Variants in MELK observed in about 807,000 individuals in gnomAD.
MELK encodes maternal embryonic leucine zipper kinase.
MELK carries 81 observed loss-of-function variants against 85.0 expected under a neutral mutation model. That is an observed-to-expected ratio of 0.95 (90% CI 0.80 to 1.15). The LOEUF (loss-of-function observed/expected upper bound fraction) is 1.15, where lower values mean the gene tolerates loss of function less well. Ranked by LOEUF, MELK falls within the 50% of genes most tolerant of loss-of-function variation. MELK has a pLI of 0.00. For synonymous variants in MELK, 252 were observed against 265.0 expected (o/e 0.95, Z 0.48); for missense variants, 754 against 777.5 (o/e 0.97, Z 0.36).
intron 8 of MELK, among the ~76,000 whole-genome samples, chr9:36,626,034 G>A (rs1270345762): frequency 6.6e-6 from 1 of 152,154 alleles, no homozygotes; most frequent in Admixed American, 6.5e-5. Context: ...AGGGTTCTAG[G>A]TTAGAAATAT....
chr9:36,665,566 A>T lies in MELK; in HGVS notation c.1393A>T (p.Thr465Ser). Reference sequence around the variant, plus strand: ...AATACTCACTACGCCAAATCGTTACACTACACCCTCAAAAGGTATTTGCTA... The same window carrying T: ...AATACTCACTACGCCAAATCGTTACTCTACACCCTCAAAAGGTATTTGCTA... The part of the protein sequence containing the change: ...REILTTPNRY[T>S]TPSKARNQCL... Residue 465 changes from threonine to serine, a missense_variant, in exon 14 of 18, where the codon ACT becomes TCT. Transcript: ENST00000298048. 1 of 1,610,944 alleles carries T rather than the reference A, an allele frequency of 6.2e-7. No homozygotes were observed. The highest frequency in any genetic ancestry group is 8.5e-7 in the Non-Finnish European group (1 of 1,178,158).
intron 13 of MELK, among the ~76,000 whole-genome samples, chr9:36,662,115 C>T (rs1831903169): frequency 2.0e-5 from 3 of 151,138 alleles, no homozygotes; most frequent in Admixed American, 1.3e-4. Context: ...TGTATTTCCC[C>T]CTTATTTCTT....
rs140032964 is a variant in MELK at position 36,656,881 on chromosome 9, T to G, written c.1054-360T>G. On this transcript the variant is annotated intron_variant, in intron 12 of 17. Coordinates refer to ENST00000298048, the MANE Select transcript of MELK (RefSeq NM_014791.4). ...ATCCACCTGTGTCAGCCTTCCAAAG[T>G]GCTGGGATTACAGGCATGAGCCACC... Among the ~76,000 whole-genome samples, 309 of 152,318 alleles carry G rather than the reference T, an allele frequency of 2.0e-3. 2 individuals are homozygous for G. The highest frequency in any genetic ancestry group is 7.2e-3 in the African/African-American group (301 of 41,566).
chr9:36,600,921 C>T (rs1824853122), intron 7 of MELK, among the ~76,000 whole-genome samples: 1 of 152,110 alleles, frequency 6.6e-6, no homozygotes, highest in East Asian at 1.9e-4. Context: ...CAAGATAGTG[C>T]AAGAATAGAA....
chr9:36,669,555 C>A, intron 15 of MELK, 149 bp downstream of exon 15: 1 of 553,914 alleles, frequency 1.8e-6, no homozygotes. Context: ...GACCTGTGGC[C>A]ATTCCTGGAC....
At chr9:36,608,172 C>T (rs1004408981) in intron 8 of MELK, among the ~76,000 whole-genome samples, 28 of 145,630 alleles carry the variant, frequency 1.9e-4, no homozygotes, top group Non-Finnish European at 2.5e-4. Flanking sequence ...CCCAGCTACT[C>T]GGGAGGCTGA....
intron 8 of MELK, among the ~76,000 whole-genome samples, chr9:36,616,079 C>A (rs569950122): frequency 6.6e-6 from 1 of 151,978 alleles, no homozygotes; most frequent in Non-Finnish European, 1.5e-5. Context: ...CGCTCGCCGG[C>A]GCGGTGGCAA....
In MELK at chr9:36,665,507, A is replaced by G; in HGVS notation, c.1334A>G (p.Lys445Arg). Residue 445 changes from lysine (K) to arginine (R), a missense_variant, in exon 14 of 18, where the codon AAG becomes AGG. Coordinates refer to ENST00000298048, the MANE Select transcript of MELK (RefSeq NM_014791.4). The stretch of plus-strand genomic sequence containing the variant: ...GAGTACTTTATGTTTCCTGAGCCAA[A>G]GACTCCAGTTAATAAGAACCAGCAT... Reference protein sequence around the residue: ...NEEYFMFPEPKTPVNKNQHKR... With the variant: ...NEEYFMFPEPRTPVNKNQHKR... The G allele has an allele frequency of 6.2e-7, 1 of 1,613,972 alleles. No homozygotes were observed. Among genetic ancestry groups the G allele is most frequent in the African/African-American group, 1.3e-5 (1 of 75,054 alleles).
At chr9:36,616,724 C>T (rs1178166834) in intron 8 of MELK, among the ~76,000 whole-genome samples, 1 of 151,906 alleles carries the variant, frequency 6.6e-6, no homozygotes, top group East Asian at 1.9e-4. Flanking sequence ...TCATTGCTAT[C>T]ACGTTTATCA....
At chr9:36,637,249 GC>G (rs763964160) in intron 10 of MELK, among the ~76,000 whole-genome samples, 2 of 152,114 alleles carry the variant, frequency 1.3e-5, no homozygotes, top group Non-Finnish European at 2.9e-5. Context: ...ATGTGACAAA[GC>G]CCAGAGCCAC....
chr9:36,604,632 C>A (rs1238438684), intron 7 of MELK, among the ~76,000 whole-genome samples: 1 of 151,688 alleles, frequency 6.6e-6, no homozygotes, highest in Non-Finnish European at 1.5e-5. Flanking sequence ...GGATTACAGG[C>A]GTGAGCCACC....
intron 16 of MELK, 112 bp from the exon 17 acceptor site, chr9:36,674,722 G>T: frequency 1.9e-6 from 1 of 523,418 alleles, no homozygotes. Context: ...TTAGGAAATA[G>T]TTCCATTTGA....
chr9:36,637,048 G>A (rs1344317907), intron 10 of MELK, among the ~76,000 whole-genome samples: 1 of 151,880 alleles, frequency 6.6e-6, no homozygotes, highest in East Asian at 1.9e-4. Context: ...TAGCCAGGAT[G>A]GTCTCGATCT....
intron 13 of MELK, among the ~76,000 whole-genome samples, chr9:36,657,948 C>T (rs949177902): frequency 4.6e-5 from 7 of 152,120 alleles, no homozygotes; most frequent in African/African-American, 1.7e-4. Context: ...GGTAAAGTCA[C>T]CTTTTTTAGT....
At chr9:36,604,607 C>T (rs1449245779) in intron 7 of MELK, among the ~76,000 whole-genome samples, 1 of 151,968 alleles carries the variant, frequency 6.6e-6, no homozygotes, top group East Asian at 1.9e-4. Flanking sequence ...CCCACCTTGG[C>T]CTCCCAAAGT....
intron 16 of MELK, 39 bp downstream of exon 16, chr9:36,671,205 G>T: frequency 6.7e-7 from 1 of 1,499,104 alleles, no homozygotes; most frequent in South Asian, 1.4e-5. Flanking sequence ...AGCAGAAGCT[G>T]ACTGCTAATG....
Position 36,634,945 on chromosome 9 carries a change from C to CAAAAGA in MELK, c.834+1762_834+1767dup, listed in dbSNP as rs563574877. On this transcript the variant is annotated intron_variant, in intron 10 of 17. Coordinates refer to ENST00000298048, the MANE Select transcript of MELK (RefSeq NM_014791.4). Reference sequence around the variant, plus strand: ...CCGGGAGGAGAGTGAGACTCCATCTCAAAAGAAAAAGAAAAAGAAAAAAAT... The same window carrying CAAAAGA: ...CCGGGAGGAGAGTGAGACTCCATCTCAAAAGAAAAAGAAAAAGAAAAAGAAAAAAAT... 1.8e-3 allele frequency among the ~76,000 whole-genome samples: 274 copies of CAAAAGA among 151,882 alleles called. 1 individual carries two copies. The highest frequency in any genetic ancestry group is 0.013 in the Admixed American group (203 of 15,234).
At position 36,581,735 on chromosome 9, in the gene MELK, G is replaced by A; in HGVS notation, c.54G>A (p.Gly18=). The A allele has an allele frequency of 1.3e-6, 2 of 1,591,022 alleles. No homozygotes were observed. Among genetic ancestry groups the A allele is most frequent in the Non-Finnish European group, 1.7e-6 (2 of 1,160,358 alleles). The part of the protein sequence containing the change: ...LKYYELHETI[G]TGGFAKVKLA... ...ATTATGAATTACATGAAACTATTGG[G>A]ACAGGTAATTGTTATTTTTTTTTGG... The change falls in exon 2 of 18, where the codon GGG becomes GGA. Residue 18 remains glycine (G), a synonymous_variant. Coordinates refer to ENST00000298048, the MANE Select transcript of MELK (RefSeq NM_014791.4).
In MELK at chr9:36,581,062, T is replaced by A. The variant is rs565279255; in HGVS notation, c.-38-582T>A. Among the ~76,000 whole-genome samples the A allele has an allele frequency of 3.9e-5, 6 of 152,312 alleles. No homozygotes were observed. In the East Asian group the frequency reaches 1.2e-3, roughly 29 times the overall value. On this transcript the variant is annotated intron_variant, in intron 1 of 17. Transcript: ENST00000298048. Reference sequence around the variant, plus strand: ...TTTTTGTATCATTTGCTTATTTTGCTGTTGAGTTTTTCTTATTGTTTTGTC... The same window carrying A: ...TTTTTGTATCATTTGCTTATTTTGCAGTTGAGTTTTTCTTATTGTTTTGTC...
Sources: allele counts gnomAD v4.1 joint callset (sites outside exome capture counted in the v4.1 genomes callset), GRCh38; gene constraint gnomAD v4.1.1; transcripts MANE v1.5; gene names NCBI Gene and HGNC (gene_info 2026-07-23, HGNC 2026-07-21).